ORC2: variants seen among roughly 807,000 people sequenced by gnomAD.
The protein encoded by ORC2 is origin recognition complex subunit 2.
In ORC2, 37 loss-of-function variants were observed where a neutral mutation model predicts 77.7. That is an observed-to-expected ratio of 0.48 (90% CI 0.37 to 0.63). The LOEUF (loss-of-function observed/expected upper bound fraction) is 0.63, where lower values mean the gene tolerates loss of function less well. Among genes scored for constraint, ORC2 ranks in the 20% least tolerant of loss-of-function variants. The pLI is 0.00. For missense variants in ORC2, 557 were observed against 661.9 expected (o/e 0.84, Z 1.74); for synonymous variants, 201 against 229.5 (o/e 0.88, Z 1.12).
At chr2:200,915,063 T>G (rs1229645916) in intron 15 of ORC2, among the ~76,000 whole-genome samples, 2 of 139,146 alleles carry the variant, frequency 1.4e-5, no homozygotes, top group South Asian at 2.4e-4. Flanking sequence ...TTGCCCAGGC[T>G]GGAGTGCAAT....
At chr2:200,923,616 T>C (rs762806425) in intron 13 of ORC2, among the ~76,000 whole-genome samples, 5 of 152,150 alleles carry the variant, frequency 3.3e-5, no homozygotes, top group African/African-American at 4.8e-5. Flanking sequence ...TCAAGAACAC[T>C]GTAACTCATA....
intron 5 of ORC2, among the ~76,000 whole-genome samples, chr2:200,943,555 C>T (rs1559018530): frequency 2.0e-5 from 3 of 152,280 alleles, no homozygotes; most frequent in Middle Eastern, 3.4e-3. Flanking sequence ...CACTGGGACA[C>T]TGTTCACTGA....
At chr2:200,928,632 T>C (rs1226955923) in intron 11 of ORC2, among the ~76,000 whole-genome samples, 1 of 151,376 alleles carries the variant, frequency 6.6e-6, no homozygotes, top group Non-Finnish European at 1.5e-5. Context: ...GCTAACACGG[T>C]GAAATCCTGT....
chr2:200,954,468 T>A (rs2041427625), intron 4 of ORC2, among the ~76,000 whole-genome samples: 1 of 152,240 alleles, frequency 6.6e-6, no homozygotes, highest in African/African-American at 2.4e-5. Context: ...GTATATATGA[T>A]ACATTATTAA....
chr2:200,947,658 A>T (rs564697059), intron 5 of ORC2, among the ~76,000 whole-genome samples: 2 of 152,144 alleles, frequency 1.3e-5, no homozygotes, highest in Admixed American at 6.5e-5. Flanking sequence ...TTTCACATAT[A>T]TTATTTCCCT....
At chr2:200,913,512 A>C in intron 16 of ORC2, 99 bp from the exon 17 acceptor site, 1 of 1,422,950 alleles carries the variant, frequency 7.0e-7, no homozygotes, top group African/African-American at 1.4e-5. Context: ...TGCTATTTGC[A>C]TGTTATCCCA....
chr2:200,928,665 T>C (rs183216043), intron 11 of ORC2, among the ~76,000 whole-genome samples: 1,713 of 151,532 alleles, frequency 0.011, 16 homozygotes, highest in Non-Finnish European at 0.017. Context: ...TACAAAAAAA[T>C]TAGCTGGGCG....
At chr2:200,956,881 A>AAGTCATCATCCTCAGCAAACTAACAC (rs2041476402) in intron 4 of ORC2, among the ~76,000 whole-genome samples, 1 of 152,240 alleles carries the variant, frequency 6.6e-6, no homozygotes, top group South Asian at 2.1e-4. Flanking sequence ...ATGAAGCTAG[A>AAGTCATCATCCTCAGCAAACTAACAC]AGTCATCATC....
At chr2:200,962,157 T>G (rs2041586839) in intron 1 of ORC2, among the ~76,000 whole-genome samples, 1 of 152,240 alleles carries the variant, frequency 6.6e-6, no homozygotes, top group Non-Finnish European at 1.5e-5. Flanking sequence ...AACGTTTCCT[T>G]CTTTGCTTTC....
chr2:200,926,011 T>A lies in ORC2; in HGVS notation c.1051-79A>T, dbSNP rs984314106. On this transcript the variant is annotated intron_variant, in intron 12 of 17. Coordinates refer to ENST00000234296, the MANE Select transcript of ORC2 (RefSeq NM_006190.5). ...ACAACTAGAAAATCAAACCTTTTTT[T>A]ATAAATTAAAAATGAATTTGGATTT... The A allele has an allele frequency of 2.0e-5, 12 of 591,174 alleles. No individual in the cohort carries two copies. The East Asian group carries it at 2.8e-4, about 14-fold the overall frequency. The allele number at this position is 591,174 out of a possible 1,614,324, so 36.6% of individuals were successfully genotyped here.
At chr2:200,940,130 T>G (rs1383874966) in intron 7 of ORC2, among the ~76,000 whole-genome samples, 1 of 152,238 alleles carries the variant, frequency 6.6e-6, no homozygotes, top group African/African-American at 2.4e-5. Flanking sequence ...TCCTACTTTA[T>G]GTACTGCCTT....
At chr2:200,915,850 C>T (rs752581601) in intron 15 of ORC2, among the ~76,000 whole-genome samples, 37 of 152,018 alleles carry the variant, frequency 2.4e-4, no homozygotes, top group South Asian at 1.4e-3. Flanking sequence ...GACACCACCA[C>T]GCCCAGCTAA....
intron 9 of ORC2, among the ~76,000 whole-genome samples, chr2:200,935,196 C>T (rs1407000672): frequency 3.3e-5 from 5 of 152,312 alleles, no homozygotes; most frequent in Non-Finnish European, 5.9e-5. Flanking sequence ...GATCTCGGCT[C>T]ACTACAGCCT....
intron 15 of ORC2, among the ~76,000 whole-genome samples, chr2:200,915,938 G>A (rs1321166605): frequency 6.6e-6 from 1 of 151,974 alleles, no homozygotes; most frequent in Non-Finnish European, 1.5e-5. Flanking sequence ...CAAGTGATCC[G>A]CCCACTTCAG....
chr2:200,917,020 A>G, intron 15 of ORC2, among the ~76,000 whole-genome samples: 1 of 128,912 alleles, frequency 7.8e-6, no homozygotes. Context: ...TTTGAGACAG[A>G]GTCTCACTCT....
chr2:200,909,001 T>C lies in ORC2; in HGVS notation c.*2300A>G, dbSNP rs1052651007. ...ATAAAGTGATTCTATCCAAATTGGC[T>C]TTTTATTTATTAATAATAAAGTCTA... On this transcript the variant is annotated 3_prime_UTR_variant, in exon 18 of 18. Coordinates refer to ENST00000234296, the MANE Select transcript of ORC2 (RefSeq NM_006190.5). 4.6e-5 allele frequency: 7 copies of C among 152,206 alleles called. No individual in the cohort carries two copies. Among genetic ancestry groups the C allele is most frequent in the African/African-American group, 1.7e-4 (7 of 41,446 alleles). The allele number at this position is 152,206 out of a possible 1,614,324, so 9.4% of individuals were successfully genotyped here. A position where few individuals can be genotyped will look rare whatever the true frequency, so the allele number is the denominator to read the frequency against.
chr2:200,913,276 T>C lies in ORC2; in HGVS notation c.1647+19A>G, dbSNP rs1376863245. 6.4e-7 allele frequency: 1 copy of C among 1,552,234 alleles called. No homozygotes were observed. The highest frequency in any genetic ancestry group is 1.1e-5 in the South Asian group (1 of 88,878). On this transcript the variant is annotated intron_variant, in intron 17 of 17. Transcript: ENST00000234296. ...ACGGACTATTCCTGGCATACAATGC[T>C]ACAATAGTGGAGTCTTACCTTCTTT...
intron 13 of ORC2, among the ~76,000 whole-genome samples, chr2:200,924,362 G>A (rs1050983538): frequency 2.6e-5 from 4 of 151,792 alleles, no homozygotes; most frequent in African/African-American, 4.8e-5. Flanking sequence ...AAAAGTATAC[G>A]GTCCATTTCT....
chr2:200,912,450 C>T (rs114652053), intron 17 of ORC2, among the ~76,000 whole-genome samples: 1 of 152,190 alleles, frequency 6.6e-6, no homozygotes, highest in Admixed American at 6.5e-5. Context: ...GGGTTTCACT[C>T]TGTTGCCCAG....
Sources: gnomAD v4.1 joint callset for allele counts (sites outside exome capture counted in the v4.1 genomes callset) on GRCh38, gnomAD v4.1.1 for gene constraint, MANE v1.5 for transcripts, NCBI Gene and HGNC (gene_info 2026-07-23, HGNC 2026-07-21) for gene names.